The following PPP2R2A variants were observed in gnomAD, a reference collection of about 807,000 sequenced individuals.
The protein encoded by PPP2R2A is protein phosphatase 2 regulatory subunit Balpha.
PPP2R2A carries 9 observed loss-of-function variants against 53.2 expected under a neutral mutation model. The observed-to-expected ratio is 0.17, with a 90% CI of 0.10 to 0.30. PPP2R2A has a LOEUF of 0.30. Ranked by LOEUF, PPP2R2A falls within the 10% of genes least tolerant of loss-of-function variation. The probability of loss-of-function intolerance (pLI) is 1.00; values close to 1 mark genes in which losing one functional copy is unlikely to be tolerated. For missense variants in PPP2R2A, 235 were observed against 534.6 expected, an observed-to-expected ratio of 0.44 and a Z score of 5.53; for synonymous variants, 169 against 174.2, an observed-to-expected ratio of 0.97 and a Z score of 0.23.
intron 2 of PPP2R2A, among the ~76,000 whole-genome samples, chr8:26,325,509 A>AT (rs1803043401): frequency 6.6e-6 from 1 of 152,126 alleles, no homozygotes; most frequent in South Asian, 2.1e-4. Context: ...ATACAGTTGT[A>AT]TTCCCTGTTT....
At chr8:26,297,408 T>C (rs963141937) in intron 2 of PPP2R2A, among the ~76,000 whole-genome samples, 2 of 152,214 alleles carry the variant, frequency 1.3e-5, no homozygotes, top group African/African-American at 4.8e-5. Flanking sequence ...GGCCACAAAA[T>C]TATTACTACT....
intron 4 of PPP2R2A, chr8:26,359,022 C>A: frequency 2.2e-6 from 1 of 448,176 alleles, no homozygotes; most frequent in Non-Finnish European, 4.5e-6. Context: ...CCCAAGTTAA[C>A]GCCACCAGCT....
Position 26,363,658 on chromosome 8 carries a change from G to C in PPP2R2A, c.803-63G>C, listed in dbSNP as rs1805228624. The C allele has an allele frequency of 4.5e-6, 6 of 1,318,806 alleles. No homozygotes were observed. In the East Asian group the frequency reaches 1.6e-4, roughly 34 times the overall value. 81.7% of individuals were successfully genotyped at this position (1,318,806 alleles called of 1,614,324 possible). On this transcript the variant is annotated intron_variant, in intron 7 of 9. Coordinates refer to ENST00000380737, the MANE Select transcript of PPP2R2A (RefSeq NM_002717.4). ...GTTTGTGAATGGTTGTTTAGGAAAT[G>C]CTTTGTCCAAGCCAGAATATTGTAC...
At chr8:26,311,639 C>A (rs1398855615) in intron 2 of PPP2R2A, among the ~76,000 whole-genome samples, 5 of 152,118 alleles carry the variant, frequency 3.3e-5, no homozygotes, top group Non-Finnish European at 7.4e-5. Context: ...TGTGAACAAC[C>A]ACTGCACTCC....
At chr8:26,298,957 C>T (rs1040060435) in intron 2 of PPP2R2A, among the ~76,000 whole-genome samples, 3 of 152,134 alleles carry the variant, frequency 2.0e-5, no homozygotes, top group Non-Finnish European at 4.4e-5. Context: ...TGTGGATAAT[C>T]TGAAGTGTGT....
chr8:26,331,260 C>T (rs1803362549), intron 2 of PPP2R2A, among the ~76,000 whole-genome samples: 1 of 152,144 alleles, frequency 6.6e-6, no homozygotes, highest in Admixed American at 6.5e-5. Context: ...GTATCCAACC[C>T]ACATTCATTG....
intron 4 of PPP2R2A, chr8:26,358,796 A>T (rs1239313904): frequency 2.7e-6 from 1 of 366,574 alleles, no homozygotes; most frequent in Non-Finnish European, 5.7e-6. Context: ...ATACAAATAA[A>T]CAATTGAATG....
intron 4 of PPP2R2A, among the ~76,000 whole-genome samples, chr8:26,356,363 C>G (rs1407214083): frequency 6.6e-6 from 1 of 152,148 alleles, no homozygotes; most frequent in Non-Finnish European, 1.5e-5. Context: ...AAAGCTTTCC[C>G]CAGCCAGTCC....
rs2117441019 is a variant in PPP2R2A, at chr8:26,370,571, GCT to G, written c.*161_*162del. ...ACATTGTTATAGCTACATGGAGAAA[GCT>G]CTGTGGATTCATCACTGTGGTGTTC... On this transcript the variant is annotated 3_prime_UTR_variant, in exon 10 of 10. Transcript: ENST00000380737. The surrounding 1 kb of genome is among the most constrained non-coding windows in gnomAD (Gnocchi z 6.1). 6 of 821,700 alleles carry G rather than the reference GCT, an allele frequency of 7.3e-6. No individual in the cohort carries two copies. In the South Asian group the frequency reaches 1.1e-4, roughly 15 times the overall value. 50.9% of individuals were successfully genotyped at this position (821,700 alleles called of 1,614,324 possible).
intron 2 of PPP2R2A, among the ~76,000 whole-genome samples, chr8:26,317,482 A>G (rs1315381344): frequency 6.6e-6 from 1 of 152,210 alleles, no homozygotes. Context: ...GGCACAGGAC[A>G]GTATCTGGCA....
intron 7 of PPP2R2A, chr8:26,363,514 A>G (rs1280899292): frequency 2.2e-6 from 1 of 456,750 alleles, no homozygotes; most frequent in African/African-American, 2.0e-5. Context: ...AGTATACTGC[A>G]TACTTATGCA....
intron 2 of PPP2R2A, among the ~76,000 whole-genome samples, chr8:26,296,203 T>G (rs192472420): frequency 9.3e-4 from 141 of 152,364 alleles, no homozygotes; most frequent in Non-Finnish European, 1.9e-3. Context: ...TAATCTTAAA[T>G]GCAGTCCCAG....
chr8:26,317,721 A>G (rs910114579), intron 2 of PPP2R2A, among the ~76,000 whole-genome samples: 28 of 152,356 alleles, frequency 1.8e-4, no homozygotes, highest in Middle Eastern at 3.4e-3. Context: ...TTATTGACCA[A>G]ACTACTTTAA....
At chr8:26,346,494 G>C (rs755047506) in intron 3 of PPP2R2A, among the ~76,000 whole-genome samples, 1 of 152,112 alleles carries the variant, frequency 6.6e-6, no homozygotes, top group Admixed American at 6.6e-5. Flanking sequence ...ATGCACATTA[G>C]ATCAGTCATC....
At chr8:26,359,341 T>G (rs1804957552) in intron 4 of PPP2R2A, among the ~76,000 whole-genome samples, 1 of 152,184 alleles carries the variant, frequency 6.6e-6, no homozygotes, top group African/African-American at 2.4e-5. Flanking sequence ...AATCTCCAAA[T>G]GCAGTCTGTA....
chr8:26,357,159 C>G (rs1406775314), intron 4 of PPP2R2A, among the ~76,000 whole-genome samples: 2 of 151,854 alleles, frequency 1.3e-5, no homozygotes, highest in South Asian at 4.2e-4. Context: ...TGAACTATAT[C>G]TGAAAAACTA....
chr8:26,320,771 C>CTTTCTT (rs1220764291), intron 2 of PPP2R2A, among the ~76,000 whole-genome samples: 1 of 152,070 alleles, frequency 6.6e-6, no homozygotes, highest in East Asian at 1.9e-4. Flanking sequence ...AAAGCAGTTA[C>CTTTCTT]TTAAATTAAC....
chr8:26,359,370 A>G (rs906540383), intron 4 of PPP2R2A, among the ~76,000 whole-genome samples: 3 of 152,226 alleles, frequency 2.0e-5, no homozygotes, highest in African/African-American at 7.2e-5. Context: ...TAATATACAA[A>G]GTCGACGTCT....
chr8:26,291,992 GAGGCA>G, intron 1 of PPP2R2A, 166 bp downstream of exon 1: 1 of 1,213,018 alleles, frequency 8.2e-7, no homozygotes, highest in Non-Finnish European at 1.1e-6. Flanking sequence ...GGGCTCCCGG[GAGGCA>G]AGTGGTCACG....
Sources: gnomAD v4.1 joint callset for allele counts (sites outside exome capture counted in the v4.1 genomes callset) on GRCh38, gnomAD v4.1.1 for gene constraint, Gnocchi (gnomAD v3.1) non-coding constraint, MANE v1.5 for transcripts, NCBI Gene and HGNC (gene_info 2026-07-23, HGNC 2026-07-21) for gene names.